The following ARID5B variants were observed in gnomAD, a reference collection of about 807,000 sequenced individuals.
ARID5B encodes AT-rich interactive domain-containing protein 5B.
Under a neutral mutation model 97.2 loss-of-function variants are expected in ARID5B, and 13 were observed. The observed-to-expected ratio is 0.13, with a 90% CI of 0.09 to 0.21. The LOEUF is 0.21. ARID5B is among the 10% of genes least tolerant of loss of function. The probability of loss-of-function intolerance (pLI) is 1.00; values close to 1 mark genes in which losing one functional copy is unlikely to be tolerated. For synonymous variants in ARID5B, 556 were observed against 570.3 expected (o/e 0.97, Z 0.36); for missense variants, 1,210 against 1,465.3 (o/e 0.83, Z 2.84).
intron 3 of ARID5B, among the ~76,000 whole-genome samples, chr10:61,990,929 A>G (rs1425664894): frequency 6.6e-6 from 1 of 151,948 alleles, no homozygotes; most frequent in East Asian, 1.9e-4. Context: ...CAACCCTCCT[A>G]GACCCCCTGC....
At chr10:62,051,681 A>G (rs1839792766) in intron 5 of ARID5B, among the ~76,000 whole-genome samples, 1 of 152,198 alleles carries the variant, frequency 6.6e-6, no homozygotes. Context: ...TTGCACGACA[A>G]AGGGTAAAGT....
chr10:61,981,541 C>G (rs1426821237), intron 3 of ARID5B, among the ~76,000 whole-genome samples: 1 of 152,148 alleles, frequency 6.6e-6, no homozygotes, highest in African/African-American at 2.4e-5. Context: ...CTCAGCCTCC[C>G]AAAGTGCTGG....
chr10:61,917,596 AC>A (rs1258696191), intron 2 of ARID5B, among the ~76,000 whole-genome samples: 4 of 152,214 alleles, frequency 2.6e-5, no homozygotes, highest in Non-Finnish European at 5.9e-5. Flanking sequence ...TGTGGGCCAA[AC>A]AAAATGTGTC....
At chr10:61,969,609 C>A (rs1175961501) in intron 3 of ARID5B, among the ~76,000 whole-genome samples, 7 of 152,154 alleles carry the variant, frequency 4.6e-5, no homozygotes, top group Non-Finnish European at 7.4e-5. Flanking sequence ...TTCGGCTTAG[C>A]ATTTTCAAGT....
chr10:62,076,561 C>CAAAAAAAA lies in ARID5B; in HGVS notation c.1199+6774_1199+6781dup, dbSNP rs11363274. Among the ~76,000 whole-genome samples the CAAAAAAAA allele has an allele frequency of 1.4e-4, 13 of 92,650 alleles. 1 individual carries two copies. Among genetic ancestry groups the CAAAAAAAA allele is most frequent in the Non-Finnish European group, 2.7e-4 (12 of 45,088 alleles). 60.8% of individuals were successfully genotyped at this position (92,650 alleles called of 152,430 possible). A position where few individuals can be genotyped will look rare whatever the true frequency, so the allele number is the denominator to read the frequency against. On this transcript the variant is annotated intron_variant, in intron 8 of 9. Coordinates refer to ENST00000279873, the MANE Select transcript of ARID5B (RefSeq NM_032199.3). ...TGGGCTACAGAGCGAGACTCTGTCT[C>CAAAAAAAA]AAAAAAAAAAAAAAAAACTACATCT...
Position 62,084,422 on chromosome 10 carries a change from G to A in ARID5B, c.1200-1280G>A, listed in dbSNP as rs117062568. Among the ~76,000 whole-genome samples the A allele has an allele frequency of 2.6e-3, 391 of 152,278 alleles. 2 individuals are homozygous for A. The highest frequency in any genetic ancestry group is 3.8e-3 in the Non-Finnish European group (258 of 68,012). On this transcript the variant is annotated intron_variant, in intron 8 of 9. Transcript: ENST00000279873. ...CAATATCCAGACCAAGGAAGTTTTT[G>A]CCTGGGAATCTTAGTTTAAAAATAA...
rs1010169810 is a variant in ARID5B at position 62,049,196 on chromosome 10, G to C, written c.734-1692G>C. ...GGATGAAATCACCATCTCCGTGCGG[G>C]GAGGTGGAGAGAGCAGAGCCCTCCC... On this transcript the variant is annotated intron_variant, in intron 4 of 9. Transcript: ENST00000279873. The C allele has an allele frequency of 5.4e-6, 7 of 1,297,878 alleles. No individual in the cohort carries two copies. In the African/African-American group the frequency reaches 1.1e-4, roughly 20 times the overall value. 80.4% of individuals were successfully genotyped at this position (1,297,878 alleles called of 1,614,324 possible). A position where few individuals can be genotyped will look rare whatever the true frequency, so the allele number is the denominator to read the frequency against.
rs770268976 is a variant in ARID5B at position 62,057,245 on chromosome 10, G to T, written c.975G>T (p.Leu325Phe). 1 of 1,613,842 alleles carries T rather than the reference G, an allele frequency of 6.2e-7. No homozygotes were observed. Reference protein sequence around the residue: ...EECRADEQAFLVALYKYMKER... With the variant: ...EECRADEQAFFVALYKYMKER... ...GCAGGGCAGATGAACAAGCCTTCTT[G>T]GTGGCACTTTATAAATACATGAAAG... The change falls in exon 6 of 10, where the codon TTG (leucine) becomes TTT (phenylalanine). Residue 325 changes from leucine (L) to phenylalanine (F), a missense_variant. Leu to Phe is a conservative substitution (Grantham distance 22, BLOSUM62 0). Transcript: ENST00000279873.
At chr10:61,988,180 C>T (rs148229272) in intron 3 of ARID5B, among the ~76,000 whole-genome samples, 25 of 152,276 alleles carry the variant, frequency 1.6e-4, no homozygotes, top group Admixed American at 9.2e-4. Context: ...ACTGCTTTGC[C>T]GTGAGATTAA....
intron 3 of ARID5B, among the ~76,000 whole-genome samples, chr10:61,964,868 G>A (rs1277130616): frequency 6.6e-6 from 1 of 152,186 alleles, no homozygotes; most frequent in Non-Finnish European, 1.5e-5. Context: ...CACATTAATT[G>A]TACGTGTGAA....
intron 2 of ARID5B, among the ~76,000 whole-genome samples, chr10:61,937,633 G>A (rs1425226213): frequency 6.6e-6 from 1 of 152,136 alleles, no homozygotes; most frequent in Admixed American, 6.5e-5. Context: ...GAGTAAATCA[G>A]CAATATTTAT....
chr10:62,017,607 T>C (rs746158321), intron 4 of ARID5B, among the ~76,000 whole-genome samples: 28 of 152,164 alleles, frequency 1.8e-4, no homozygotes, highest in Non-Finnish European at 3.1e-4. Context: ...TTTATAGTGA[T>C]TGGAAATGTT....
chr10:62,024,724 C>T (rs1839398376), intron 4 of ARID5B: 1 of 396,212 alleles, frequency 2.5e-6, no homozygotes, highest in East Asian at 3.6e-5. Flanking sequence ...AGTTACCAAA[C>T]CAATGAACTG....
chr10:61,938,964 AGT>A (rs60329829), intron 2 of ARID5B, among the ~76,000 whole-genome samples: 28,572 of 124,946 alleles, frequency 0.23, 3,233 homozygotes, highest in Non-Finnish European at 0.28. Flanking sequence ...GAATTGGAGA[AGT>A]GTGTGTGTGT....
chr10:62,085,695 C>G lies in ARID5B; in HGVS notation c.1200-7C>G. The G allele has an allele frequency of 6.3e-7, 1 of 1,599,278 alleles. No individual in the cohort carries two copies. The highest frequency in any genetic ancestry group is 1.1e-5 in the South Asian group (1 of 87,884). On this transcript the variant is annotated splice_region_variant and splice_polypyrimidine_tract_variant and intron_variant, in intron 8 of 9. Transcript: ENST00000279873. ...CTGACCGATCATCTCTTCTGTTAAC[C>G]TTTTAGATTAATCCTACCATATGAA... is the stretch of plus-strand genomic sequence containing the variant.
chr10:61,985,694 T>G (rs1321739713), intron 3 of ARID5B, among the ~76,000 whole-genome samples: 5 of 152,088 alleles, frequency 3.3e-5, no homozygotes, highest in Non-Finnish European at 5.9e-5. Flanking sequence ...ATCTTATCTT[T>G]TTGAGGATAC....
intron 4 of ARID5B, among the ~76,000 whole-genome samples, chr10:62,013,815 T>TATATATATATATATATATATATATATAC (rs915920250): frequency 1.4e-4 from 20 of 147,426 alleles, no homozygotes; most frequent in Admixed American, 8.6e-4. Flanking sequence ...TATATATATA[T>TATATATATATATATATATATATATATAC]ACCACATTTT....
Position 61,972,257 on chromosome 10 carries a change from C to T in ARID5B, c.503-27834C>T, listed in dbSNP as rs1213271143. On this transcript the variant is annotated intron_variant, in intron 3 of 9. Coordinates refer to ENST00000279873, the MANE Select transcript of ARID5B (RefSeq NM_032199.3). ...TTTTTTTTTTTTTGAGACAGAGTTT[C>T]GCTCTTGTAATCCAGGCTGGAGTGC... Among the ~76,000 whole-genome samples the T allele has an allele frequency of 9.2e-5, 10 of 108,806 alleles. 1 individual carries two copies. Among genetic ancestry groups the T allele is most frequent in the East Asian group, 2.9e-4 (1 of 3,452 alleles). The allele number at this position is 108,806 out of a possible 152,430, so 71.4% of individuals were successfully genotyped here.
intron 2 of ARID5B, among the ~76,000 whole-genome samples, chr10:61,915,279 G>T (rs1843881525): frequency 6.6e-6 from 1 of 152,188 alleles, no homozygotes; most frequent in African/African-American, 2.4e-5. Flanking sequence ...CCGCCATGGA[G>T]CTTACCATCA....
Sources: gnomAD v4.1 joint callset for allele counts (sites outside exome capture counted in the v4.1 genomes callset) on GRCh38, gnomAD v4.1.1 for gene constraint, MANE v1.5 for transcripts, NCBI Gene and HGNC (gene_info 2026-07-23, HGNC 2026-07-21) for gene names.